The following SPATA22 variants were observed in gnomAD, a reference collection of about 807,000 sequenced individuals.
The protein encoded by SPATA22 is spermatogenesis-associated protein 22.
Under a neutral mutation model 47.8 loss-of-function variants are expected in SPATA22, and 29 were observed. The observed-to-expected ratio is 0.61, with a 90% CI of 0.45 to 0.83. The LOEUF (loss-of-function observed/expected upper bound fraction) is 0.83, where lower values mean the gene tolerates loss of function less well. SPATA22 is among the 40% of genes least tolerant of loss of function. SPATA22 has a pLI of 0.00. For missense variants in SPATA22, 410 were observed against 421.7 expected, an observed-to-expected ratio of 0.97 and a Z score of 0.24; for synonymous variants, 133 against 140.9, an observed-to-expected ratio of 0.94 and a Z score of 0.40.
At chr17:3,464,421 G>C (rs1175936043) in intron 3 of SPATA22, among the ~76,000 whole-genome samples, 2 of 150,074 alleles carry the variant, frequency 1.3e-5, no homozygotes, top group East Asian at 3.9e-4. Flanking sequence ...GAAGTGAGGA[G>C]CGTCTCTGCC....
upstream of SPATA22, chr17:3,476,241 G>T: frequency 1.2e-6 from 2 of 1,614,180 alleles, no homozygotes. Flanking sequence ...GCTAACCGGA[G>T]TATTTCTGGT....
At chr17:3,465,809 A>G (rs1473108452) in intron 3 of SPATA22, among the ~76,000 whole-genome samples, 1 of 151,928 alleles carries the variant, frequency 6.6e-6, no homozygotes, top group African/African-American at 2.4e-5. Flanking sequence ...AAAAAAAACA[A>G]CACTGATGCA....
At chr17:3,471,547 CACGGCCTCAAATG>C (rs2073435664) in intron 1 of SPATA22, 122 bp downstream of exon 1, 1 of 985,200 alleles carries the variant, frequency 1.0e-6, no homozygotes, top group Admixed American at 6.1e-5. Context: ...CCACAAAAAC[CACGGCCTCAAATG>C]GCGGCCTGTT....
At position 3,485,362 on chromosome 17, in the gene SPATA22, C is replaced by G. The variant is rs1299106353; in HGVS notation, c.-73-15964G>C. On this transcript the variant is annotated intron_variant, in intron 1 of 8. Coordinates refer to the SPATA22 transcript ENST00000541913. This position sits in a 1 kb window ranked among gnomAD's most constrained non-coding sequence, Gnocchi z 4.4. Reference sequence around the variant, plus strand: ...CCCACACAGACTTATACAAACTTATCCATTCCTTCCCATGCAGGTTCTATA... The same window carrying G: ...CCCACACAGACTTATACAAACTTATGCATTCCTTCCCATGCAGGTTCTATA... Among the ~76,000 whole-genome samples the G allele has an allele frequency of 6.6e-6, 1 of 152,050 alleles. No homozygotes were observed. Among genetic ancestry groups the G allele is most frequent in the Non-Finnish European group, 1.5e-5 (1 of 68,010 alleles).
chr17:3,507,191 G>A (rs1237299552), intron 1 of SPATA22, among the ~76,000 whole-genome samples: 1 of 152,116 alleles, frequency 6.6e-6, no homozygotes, highest in Non-Finnish European at 1.5e-5. Flanking sequence ...GGGGTCACAG[G>A]TTTAAGAAGT....
chr17:3,496,980 T>G (rs963323891), intron 1 of SPATA22, among the ~76,000 whole-genome samples: 4 of 152,142 alleles, frequency 2.6e-5, no homozygotes, highest in African/African-American at 9.7e-5. Flanking sequence ...GCAGGAAAAT[T>G]GCTTGAACTC....
At chr17:3,466,074 A>G (rs2073306743) in intron 3 of SPATA22, among the ~76,000 whole-genome samples, 1 of 151,828 alleles carries the variant, frequency 6.6e-6, no homozygotes. Flanking sequence ...TTGGAAATAT[A>G]TGAACTTCAC....
intron 3 of SPATA22, among the ~76,000 whole-genome samples, chr17:3,464,668 C>CA (rs1272818919): frequency 1.3e-5 from 2 of 149,970 alleles, no homozygotes; most frequent in Admixed American, 6.6e-5. Context: ...TCTGCCCGGC[C>CA]GCGACCCCGT....
At chr17:3,463,971 C>A in intron 3 of SPATA22, among the ~76,000 whole-genome samples, 1 of 115,814 alleles carries the variant, frequency 8.6e-6, no homozygotes, top group Non-Finnish European at 1.8e-5. Flanking sequence ...CTGCCTCTCC[C>A]TCTCCCTCTC....
chr17:3,477,158 A>T (rs1314341080), intron 1 of SPATA22, among the ~76,000 whole-genome samples: 1 of 152,134 alleles, frequency 6.6e-6, no homozygotes, highest in African/African-American at 2.4e-5. Flanking sequence ...CCGTCTCAAA[A>T]AAATAAATAA....
intron 1 of SPATA22, among the ~76,000 whole-genome samples, chr17:3,506,848 G>A (rs1030429745): frequency 1.3e-5 from 2 of 152,182 alleles, no homozygotes; most frequent in African/African-American, 2.4e-5. Flanking sequence ...GGCTGAGGCA[G>A]GAGAATTGCT....
At chr17:3,461,982 G>C (rs1324976944) in intron 5 of SPATA22, among the ~76,000 whole-genome samples, 3 of 151,944 alleles carry the variant, frequency 2.0e-5, no homozygotes, top group Non-Finnish European at 4.4e-5. Flanking sequence ...CCATCTTTTT[G>C]ACCAGCTTCT....
intron 1 of SPATA22, among the ~76,000 whole-genome samples, chr17:3,493,580 A>G (rs2073861062): frequency 2.0e-5 from 3 of 151,196 alleles, no homozygotes; most frequent in African/African-American, 7.3e-5. Context: ...AAAAAAAAAA[A>G]AAAGGAAAGA....
chr17:3,504,457 C>T (rs1194424385), intron 1 of SPATA22, among the ~76,000 whole-genome samples: 1 of 152,010 alleles, frequency 6.6e-6, no homozygotes, highest in African/African-American at 2.4e-5. Flanking sequence ...CGTTTTACAC[C>T]CTCCAGACTG....
chr17:3,477,111 T>G (rs1322792464), intron 1 of SPATA22, among the ~76,000 whole-genome samples: 1 of 151,824 alleles, frequency 6.6e-6, no homozygotes, highest in East Asian at 1.9e-4. Flanking sequence ...GCCAAGATTG[T>G]GCCACTGCAC....
chr17:3,464,788 C>T (rs562549760), intron 3 of SPATA22, among the ~76,000 whole-genome samples: 5 of 140,638 alleles, frequency 3.6e-5, no homozygotes, highest in South Asian at 2.3e-4. Flanking sequence ...GCCCGGCAGC[C>T]GCCCCGTCTG....
intron 1 of SPATA22, chr17:3,501,152 G>T (rs1404127398): frequency 1.3e-5 from 2 of 151,704 alleles, no homozygotes; most frequent in Non-Finnish European, 2.9e-5. Context: ...TGGGGGAGGG[G>T]AGAAAAAAGA....
At chr17:3,513,014 G>C (rs1391962730) in intron 1 of SPATA22, 3 of 152,198 alleles carry the variant, frequency 2.0e-5, no homozygotes, top group African/African-American at 4.8e-5. Flanking sequence ...AAAGAGCCAG[G>C]ACCTTTCACC....
intron 3 of SPATA22, among the ~76,000 whole-genome samples, chr17:3,463,699 C>T (rs2073186150): frequency 6.6e-6 from 1 of 152,130 alleles, no homozygotes; most frequent in Admixed American, 6.5e-5. Flanking sequence ...ATGACAGCTA[C>T]TATGTCACCA....
Sources: allele counts gnomAD v4.1 joint callset (sites outside exome capture counted in the v4.1 genomes callset), GRCh38; gene constraint gnomAD v4.1.1; non-coding constraint Gnocchi (gnomAD v3.1); transcripts MANE v1.5; gene names NCBI Gene and HGNC (gene_info 2026-07-23, HGNC 2026-07-21).